GALNT2: variants seen among roughly 807,000 people sequenced by gnomAD.
GALNT2 encodes the protein UDP-GalNAc:polypeptide N-acetylgalactosaminyltransferase 2.
GALNT2 carries 31 observed loss-of-function variants against 81.4 expected under a neutral mutation model. That is an observed-to-expected ratio of 0.38 (90% CI 0.29 to 0.51). The LOEUF (loss-of-function observed/expected upper bound fraction) is 0.51, where lower values mean the gene tolerates loss of function less well. Ranked by LOEUF, GALNT2 falls within the 20% of genes least tolerant of loss-of-function variation. The pLI is 0.87. For synonymous variants in GALNT2, 303 were observed against 287.4 expected (o/e 1.05, Z -0.55); for missense variants, 629 against 765.7 (o/e 0.82, Z 2.11).
intron 1 of GALNT2, among the ~76,000 whole-genome samples, chr1:230,109,747 G>GA (rs1660648122): frequency 6.6e-6 from 1 of 151,912 alleles, no homozygotes; most frequent in Non-Finnish European, 1.5e-5. Flanking sequence ...AGAATCACTT[G>GA]AACCTGGGAG....
intron 3 of GALNT2, among the ~76,000 whole-genome samples, chr1:230,226,714 C>T (rs946124098): frequency 4.6e-5 from 7 of 152,220 alleles, no homozygotes; most frequent in South Asian, 2.1e-4. Flanking sequence ...TCATCGCACC[C>T]GCGGACATTT....
intron 2 of GALNT2, among the ~76,000 whole-genome samples, chr1:230,200,889 A>G (rs911662933): frequency 6.6e-6 from 1 of 152,236 alleles, no homozygotes; most frequent in African/African-American, 2.4e-5. Flanking sequence ...TATTCAGGAC[A>G]TTAAATACGT....
chr1:230,273,250 A>G (rs931112354), intron 14 of GALNT2, among the ~76,000 whole-genome samples: 1 of 152,206 alleles, frequency 6.6e-6, no homozygotes, highest in Non-Finnish European at 1.5e-5. Flanking sequence ...GTTGCAGAAT[A>G]CATTTATTTG....
chr1:230,176,912 C>T lies in GALNT2; in HGVS notation c.127-1306C>T, dbSNP rs182032819. On this transcript the variant is annotated intron_variant, in intron 1 of 15. Coordinates refer to ENST00000366672, the MANE Select transcript of GALNT2 (RefSeq NM_004481.5). ...GCTGGGTGGGTGGGGCTTGGACCCCCGGCTGCAGAATGGTTTCTCTCACCA... is the reference window on the plus strand; with the variant it reads ...GCTGGGTGGGTGGGGCTTGGACCCCTGGCTGCAGAATGGTTTCTCTCACCA... Among the ~76,000 whole-genome samples, 71 of 152,258 alleles carry T rather than the reference C, an allele frequency of 4.7e-4. No individual in the cohort carries two copies. The East Asian group carries it at 6.4e-3, about 14-fold the overall frequency.
intron 14 of GALNT2, among the ~76,000 whole-genome samples, chr1:230,270,376 T>G (rs72650163): frequency 6.6e-6 from 1 of 152,230 alleles, no homozygotes; most frequent in Non-Finnish European, 1.5e-5. Context: ...GCCAGTGGGC[T>G]ACTATCAGTA....
intron 8 of GALNT2, among the ~76,000 whole-genome samples, chr1:230,247,142 G>T (rs1014712847): frequency 2.6e-5 from 4 of 152,086 alleles, no homozygotes; most frequent in African/African-American, 9.7e-5. Context: ...TAAGGTGGGA[G>T]GATCACTTGA....
intron 2 of GALNT2, among the ~76,000 whole-genome samples, chr1:230,192,885 T>C (rs915554542): frequency 1.3e-5 from 2 of 152,232 alleles, no homozygotes; most frequent in African/African-American, 4.8e-5. Context: ...ATACCACATA[T>C]CCAGTGACAA....
intron 14 of GALNT2, among the ~76,000 whole-genome samples, chr1:230,270,164 A>C (rs554600887): frequency 4.6e-5 from 7 of 152,292 alleles, no homozygotes; most frequent in African/African-American, 1.7e-4. Context: ...TCGCACCACT[A>C]TACTCCAGCC....
intron 1 of GALNT2, among the ~76,000 whole-genome samples, chr1:230,167,667 G>A (rs1662653488): frequency 6.6e-6 from 1 of 152,228 alleles, no homozygotes; most frequent in Non-Finnish European, 1.5e-5. Flanking sequence ...ATGGAGGTCA[G>A]GGAACTGCCG....
intron 2 of GALNT2, 145 bp downstream of exon 2, chr1:230,178,456 A>G: frequency 1.7e-6 from 1 of 586,834 alleles, no homozygotes; most frequent in South Asian, 2.6e-5. Context: ...CTGCTTTGCC[A>G]ACTTCCATCG....
intron 1 of GALNT2, among the ~76,000 whole-genome samples, chr1:230,124,335 G>A (rs550031052): frequency 2.6e-5 from 4 of 152,190 alleles, no homozygotes; most frequent in African/African-American, 9.7e-5. Context: ...AAACATTGCT[G>A]CAAGAGCTGT....
intron 1 of GALNT2, among the ~76,000 whole-genome samples, chr1:230,091,350 A>T (rs1660072899): frequency 6.6e-6 from 1 of 151,976 alleles, no homozygotes; most frequent in African/African-American, 2.4e-5. Flanking sequence ...CTGGGATTAC[A>T]GGTGTGAGCC....
intron 1 of GALNT2, among the ~76,000 whole-genome samples, chr1:230,112,030 T>G (rs1660719344): frequency 6.6e-6 from 1 of 151,792 alleles, no homozygotes; most frequent in Admixed American, 6.6e-5. Flanking sequence ...GGGGACATGG[T>G]GGGGAGGTGT....
intron 1 of GALNT2, among the ~76,000 whole-genome samples, chr1:230,091,318 G>C (rs1398461110): frequency 1.3e-5 from 2 of 151,858 alleles, no homozygotes; most frequent in East Asian, 1.9e-4. Flanking sequence ...TTGTGATACG[G>C]CCACCTTGGC....
intron 2 of GALNT2, among the ~76,000 whole-genome samples, chr1:230,178,746 A>G (rs1047903014): frequency 7.9e-5 from 12 of 151,934 alleles, no homozygotes; most frequent in Non-Finnish European, 1.5e-4. Context: ...ATTTGTTACA[A>G]TCCATGAACC....
upstream of GALNT2, among the ~76,000 whole-genome samples, chr1:230,063,063 A>C (rs1659087128): frequency 6.6e-6 from 1 of 152,136 alleles, no homozygotes; most frequent in Non-Finnish European, 1.5e-5. Flanking sequence ...CTGTAATCCC[A>C]GCACTTTGGG....
intron 2 of GALNT2, among the ~76,000 whole-genome samples, chr1:230,181,381 T>G (rs954126818): frequency 2.0e-5 from 3 of 152,240 alleles, no homozygotes; most frequent in Non-Finnish European, 4.4e-5. Context: ...CTAGTGGACA[T>G]GATGGATTAC....
chr1:230,217,084 A>T (rs1664411802), intron 3 of GALNT2, among the ~76,000 whole-genome samples: 1 of 152,222 alleles, frequency 6.6e-6, no homozygotes, highest in Non-Finnish European at 1.5e-5. Context: ...TGAACAAAAC[A>T]TTAAAAAAAA....
intron 1 of GALNT2, among the ~76,000 whole-genome samples, chr1:230,169,672 A>G (rs896791273): frequency 6.6e-6 from 1 of 152,218 alleles, no homozygotes; most frequent in Non-Finnish European, 1.5e-5. Context: ...TCACGACTTC[A>G]GCACAAGTCA....
Sources: gnomAD v4.1 joint callset for allele counts (sites outside exome capture counted in the v4.1 genomes callset) on GRCh38, gnomAD v4.1.1 for gene constraint, MANE v1.5 for transcripts, NCBI Gene and HGNC (gene_info 2026-07-23, HGNC 2026-07-21) for gene names.